SPATA1: variants seen among roughly 807,000 people sequenced by gnomAD.
The protein encoded by SPATA1 is spermatogenesis associated 1, also known as spermatogenesis-associated protein 1.
SPATA1 carries 57 observed loss-of-function variants against 59.6 expected under a neutral mutation model. The ratio of observed to expected loss-of-function variants is 0.96; its 90% CI spans 0.77 to 1.19. The LOEUF (loss-of-function observed/expected upper bound fraction) is 1.19, where lower values mean the gene tolerates loss of function less well. Among genes scored for constraint, SPATA1 ranks in the 50% most tolerant of loss-of-function variants. SPATA1 has a pLI of 0.00. For synonymous variants in SPATA1, 147 were observed against 163.9 expected, an observed-to-expected ratio of 0.90 and a Z score of 0.79; for missense variants, 448 against 480.7, an observed-to-expected ratio of 0.93 and a Z score of 0.64.
chr1:84,563,883 G>T, intron 4 of SPATA1: 1 of 1,570,070 alleles, frequency 6.4e-7, no homozygotes, highest in Non-Finnish European at 8.6e-7. Context: ...ATATGTCAAT[G>T]TGTTCATACA....
At chr1:84,558,168 T>TA (rs1684503756), downstream of SPATA1, among the ~76,000 whole-genome samples, 2 of 152,182 alleles carry the variant, frequency 1.3e-5, no homozygotes, top group Admixed American at 1.3e-4. Flanking sequence ...TCTTACCATT[T>TA]AAAAAATGGT....
chr1:84,550,546 C>G lies in SPATA1; in HGVS notation c.1224+16C>G. ...AGAAGTTAAGGTAATTTACATTTTTCCTAATCAGATTATTATAACATTTAT... is the reference window on the plus strand; with the variant it reads ...AGAAGTTAAGGTAATTTACATTTTTGCTAATCAGATTATTATAACATTTAT... On this transcript the variant is annotated intron_variant, in intron 12 of 12. Coordinates refer to ENST00000490879, the Ensembl canonical transcript of SPATA1. 2 of 1,494,378 alleles carry G rather than the reference C, an allele frequency of 1.3e-6. No individual in the cohort carries two copies. Among genetic ancestry groups the G allele is most frequent in the Non-Finnish European group, 1.8e-6 (2 of 1,118,648 alleles). 92.6% of individuals were successfully genotyped at this position (1,494,378 alleles called of 1,614,324 possible).
chr1:84,539,215 T>C (rs1032165442), intron 8 of SPATA1, among the ~76,000 whole-genome samples: 2 of 152,180 alleles, frequency 1.3e-5, no homozygotes, highest in African/African-American at 2.4e-5. Context: ...TCTAAGCCCT[T>C]GGGTTTGGGA....
At chr1:84,542,430 C>G (rs958587449) in intron 8 of SPATA1, among the ~76,000 whole-genome samples, 1 of 152,150 alleles carries the variant, frequency 6.6e-6, no homozygotes, top group African/African-American at 2.4e-5. Flanking sequence ...TATGTCTTAC[C>G]ATGATTACTG....
intron 3 of SPATA1, 87 bp from the exon 4 acceptor site, chr1:84,522,303 T>G: frequency 1.5e-6 from 1 of 684,646 alleles, no homozygotes; most frequent in Non-Finnish European, 2.2e-6. Flanking sequence ...CCTTTGTGTT[T>G]GAGATAGCTG....
intron 8 of SPATA1, among the ~76,000 whole-genome samples, chr1:84,542,089 G>A (rs1683931076): frequency 6.6e-6 from 1 of 151,934 alleles, no homozygotes; most frequent in Admixed American, 6.6e-5. Flanking sequence ...CCTGCCTCCC[G>A]AGTAGCTGGG....
In SPATA1 at chr1:84,516,315, AAC is replaced by A. The variant is rs1682790856; in HGVS notation, c.-43_-42del. On this transcript the variant is annotated 5_prime_UTR_variant, in exon 2 of 13. The change creates a premature stop within an existing upstream ORF in the 5' untranslated region. Coordinates refer to ENST00000490879, the Ensembl canonical transcript of SPATA1. Reference sequence around the variant, plus strand: ...TTAAATGAAGAAAGATAAAAAAAGAAACAAAATTCCAATTGATAATTATCCCA... The same window carrying A: ...TTAAATGAAGAAAGATAAAAAAAGAAAAAATTCCAATTGATAATTATCCCA... 6.8e-7 allele frequency: 1 copy of A among 1,480,932 alleles called. No homozygotes were observed. Among genetic ancestry groups the A allele is most frequent in the East Asian group, 2.6e-5 (1 of 37,868 alleles). 91.7% of individuals were successfully genotyped at this position (1,480,932 alleles called of 1,614,324 possible). A position where few individuals can be genotyped will look rare whatever the true frequency, so the allele number is the denominator to read the frequency against.
At chr1:84,529,827 T>C (rs965393977) in intron 6 of SPATA1, among the ~76,000 whole-genome samples, 2 of 151,362 alleles carry the variant, frequency 1.3e-5, no homozygotes, top group Non-Finnish European at 2.9e-5. Flanking sequence ...ATTACAGGCA[T>C]GAGTGACTGC....
intron 8 of SPATA1, among the ~76,000 whole-genome samples, chr1:84,537,796 A>G (rs1192279385): frequency 6.6e-6 from 1 of 152,202 alleles, no homozygotes; most frequent in East Asian, 1.9e-4. Context: ...GGGGTCAGAT[A>G]ATAAGTGAAG....
At chr1:84,509,750 A>T (rs976153903) in intron 1 of SPATA1, among the ~76,000 whole-genome samples, 6 of 152,358 alleles carry the variant, frequency 3.9e-5, no homozygotes, top group African/African-American at 1.4e-4. Flanking sequence ...GGGGTGACAG[A>T]GTGAGACCCA....
exon 13 of SPATA1, chr1:84,553,191 C>T (rs1049497423): frequency 2.3e-5 from 20 of 864,176 alleles, no homozygotes; most frequent in Admixed American, 3.4e-5. Context: ...TTTGTTTAAC[C>T]ATTATTCTCC....
At chr1:84,523,612 T>A (rs1438256394) in intron 4 of SPATA1, among the ~76,000 whole-genome samples, 1 of 152,202 alleles carries the variant, frequency 6.6e-6, no homozygotes, top group Non-Finnish European at 1.5e-5. Context: ...AAAACATGAA[T>A]GATAATGGAA....
intron 4 of SPATA1, among the ~76,000 whole-genome samples, chr1:84,560,893 C>A (rs1030740672): frequency 6.6e-6 from 1 of 152,194 alleles, no homozygotes; most frequent in Admixed American, 6.5e-5. Context: ...AAAGAGATTT[C>A]TTTCAAAATA....
intron 9 of SPATA1, among the ~76,000 whole-genome samples, chr1:84,544,648 C>T (rs956349811): frequency 6.6e-6 from 1 of 151,996 alleles, no homozygotes; most frequent in Non-Finnish European, 1.5e-5. Context: ...GCAACCTCCG[C>T]CTCTCGGGTT....
At chr1:84,558,915 T>C (rs777505698), downstream of SPATA1, among the ~76,000 whole-genome samples, 1 of 151,940 alleles carries the variant, frequency 6.6e-6, no homozygotes, top group Admixed American at 6.6e-5. Context: ...AAAAGAAGAA[T>C]GTGTTCCTGC....
chr1:84,533,837 A>C (rs1464548772), intron 8 of SPATA1, 71 bp downstream of exon 8: 7 of 906,338 alleles, frequency 7.7e-6, no homozygotes, highest in Non-Finnish European at 1.2e-5. Flanking sequence ...ATTAAACTGA[A>C]ACTGCAGATT....
chr1:84,520,436 T>G (rs1570399395), intron 2 of SPATA1, 149 bp from the exon 3 acceptor site: 3 of 528,518 alleles, frequency 5.7e-6, no homozygotes, highest in Middle Eastern at 4.9e-4. Flanking sequence ...AAATTTTTAG[T>G]TCATTTTGGT....
chr1:84,516,924 T>C (rs1682815164), intron 2 of SPATA1, among the ~76,000 whole-genome samples: 1 of 152,192 alleles, frequency 6.6e-6, no homozygotes, highest in African/African-American at 2.4e-5. Flanking sequence ...AGTCTTACTA[T>C]CTGCCACTCA....
chr1:84,535,863 A>G (rs1018507482), intron 8 of SPATA1, among the ~76,000 whole-genome samples: 2 of 152,196 alleles, frequency 1.3e-5, no homozygotes, highest in Admixed American at 6.5e-5. Flanking sequence ...AATGGCAATA[A>G]TAATGATGGC....
Sources: allele counts gnomAD v4.1 joint callset (sites outside exome capture counted in the v4.1 genomes callset), GRCh38; gene constraint gnomAD v4.1.1; transcripts MANE v1.5; gene names NCBI Gene and HGNC (gene_info 2026-07-23, HGNC 2026-07-21).